TIAM2: variants seen among roughly 807,000 people sequenced by gnomAD.
TIAM2 encodes the protein TIAM Rac1 associated GEF 2, also known as rho guanine nucleotide exchange factor TIAM2.
TIAM2 carries 80 observed loss-of-function variants against 152.9 expected under a neutral mutation model. That is an observed-to-expected ratio of 0.52 (90% confidence interval 0.44 to 0.63). The LOEUF (loss-of-function observed/expected upper bound fraction) is 0.63. Among genes scored for constraint, TIAM2 ranks in the 30% least tolerant of loss-of-function variants. The pLI is 0.00. For missense variants in TIAM2, 1,965 were observed against 2,120.1 expected (o/e 0.93, Z 1.44); for synonymous variants, 804 against 838.0 (o/e 0.96, Z 0.70).
At chr6:155,121,909 T>G (rs996995271) in intron 2 of TIAM2, 1 of 152,394 alleles carries the variant, frequency 6.6e-6, no homozygotes, top group Non-Finnish European at 1.5e-5. Context: ...CCGGAGGGTT[T>G]CCTCCTATTC....
intron 7 of TIAM2, among the ~76,000 whole-genome samples, chr6:155,149,679 T>C (rs1779902927): frequency 6.6e-6 from 1 of 152,036 alleles, no homozygotes; most frequent in African/African-American, 2.4e-5. Flanking sequence ...TCCCGGCGCT[T>C]TGGGAGGCCG....
chr6:155,197,366 T>A (rs1253136176), intron 14 of TIAM2, among the ~76,000 whole-genome samples: 1 of 152,200 alleles, frequency 6.6e-6, no homozygotes, highest in Non-Finnish European at 1.5e-5. Context: ...ATTTGAACAT[T>A]TATTGAATTT....
At position 155,211,196 on chromosome 6, in the gene TIAM2, T is replaced by G; in HGVS notation, c.3065-8T>G. On this transcript the variant is annotated splice_polypyrimidine_tract_variant and splice_region_variant and intron_variant, in intron 14 of 26. Transcript: ENST00000682666. ...AACTCATATATGTTTTTGTCATTTT[T>G]TATGCAGATTTCAGCAACGTCCCTG... 6.2e-7 allele frequency: 1 copy of G among 1,611,932 alleles called. No individual in the cohort carries two copies. The highest frequency in any genetic ancestry group is 8.5e-7 in the Non-Finnish European group (1 of 1,178,394).
At chr6:155,082,301 C>T (rs895787707) in intron 1 of TIAM2, among the ~76,000 whole-genome samples, 5 of 152,074 alleles carry the variant, frequency 3.3e-5, no homozygotes, top group Non-Finnish European at 5.9e-5. Context: ...CATGATCATG[C>T]CACTGCACTC....
At chr6:155,119,584 C>T (rs766893828) in intron 2 of TIAM2, among the ~76,000 whole-genome samples, 2 of 152,212 alleles carry the variant, frequency 1.3e-5, no homozygotes, top group Non-Finnish European at 2.9e-5. Flanking sequence ...AGTGATCTGC[C>T]TGCCTTGGCC....
chr6:155,147,687 A>G (rs896992975), intron 6 of TIAM2, among the ~76,000 whole-genome samples: 1 of 151,964 alleles, frequency 6.6e-6, no homozygotes, highest in African/African-American at 2.4e-5. Context: ...GTTTCACCAT[A>G]TTGGCCAGGC....
At chr6:155,000,717 G>T (rs1778298465) in intron 1 of TIAM2, among the ~76,000 whole-genome samples, 1 of 152,152 alleles carries the variant, frequency 6.6e-6, no homozygotes, top group South Asian at 2.1e-4. Flanking sequence ...AGGCACCTTG[G>T]CTTACGCCTA....
intron 1 of TIAM2, among the ~76,000 whole-genome samples, chr6:155,028,520 A>AAT (rs1260527900): frequency 6.8e-5 from 9 of 132,430 alleles, no homozygotes; most frequent in East Asian, 4.2e-4. Context: ...TACTACATAT[A>AAT]ATATATATAC....
intron 1 of TIAM2, among the ~76,000 whole-genome samples, chr6:155,029,513 C>T (rs111218704): frequency 5.9e-4 from 13 of 22,068 alleles, no homozygotes; most frequent in Admixed American, 3.6e-3. Context: ...ATAATATATA[C>T]TATATATTAT....
At chr6:155,147,005 C>T (rs1252819453) in intron 6 of TIAM2, among the ~76,000 whole-genome samples, 1 of 152,026 alleles carries the variant, frequency 6.6e-6, no homozygotes, top group Non-Finnish European at 1.5e-5. Flanking sequence ...CCTGGGATTA[C>T]AGGCATGAGC....
intron 2 of TIAM2, among the ~76,000 whole-genome samples, chr6:155,104,681 C>T (rs915215218): frequency 5.3e-5 from 8 of 150,684 alleles, no homozygotes; most frequent in Non-Finnish European, 7.4e-5. Flanking sequence ...CGCTTGAACC[C>T]GGGAGGCGGA....
At chr6:155,101,991 C>T (rs554393886) in intron 2 of TIAM2, among the ~76,000 whole-genome samples, 10 of 138,374 alleles carry the variant, frequency 7.2e-5, no homozygotes, top group South Asian at 4.7e-4. Flanking sequence ...CATGAGCAAC[C>T]GTGCCGGCCT....
chr6:155,124,629 C>A (rs369204450), intron 2 of TIAM2, among the ~76,000 whole-genome samples: 4 of 152,232 alleles, frequency 2.6e-5, no homozygotes, highest in East Asian at 1.9e-4. Flanking sequence ...CCACACCCAG[C>A]TGGTTTTGGA....
At chr6:155,140,174 C>T (rs1044116087) in intron 5 of TIAM2, among the ~76,000 whole-genome samples, 9 of 152,130 alleles carry the variant, frequency 5.9e-5, no homozygotes, top group African/African-American at 2.2e-4. Context: ...TTTCTTTGCC[C>T]TGGTCAGAGC....
chr6:155,074,360 T>G (rs998888321), intron 1 of TIAM2, among the ~76,000 whole-genome samples: 11 of 152,152 alleles, frequency 7.2e-5, no homozygotes, highest in African/African-American at 1.7e-4. Context: ...TTGTTTGTTT[T>G]TTTGTTTTTT....
intron 20 of TIAM2, among the ~76,000 whole-genome samples, 186 bp from the exon 21 acceptor site, chr6:155,249,665 T>C (rs1783535644): frequency 6.6e-6 from 1 of 152,200 alleles, no homozygotes; most frequent in African/African-American, 2.4e-5. Context: ...GGAGATAATT[T>C]TGCTGTTCTT....
chr6:155,194,109 AG>A (rs1350614076), intron 14 of TIAM2, among the ~76,000 whole-genome samples: 3 of 152,174 alleles, frequency 2.0e-5, no homozygotes, highest in Non-Finnish European at 4.4e-5. Context: ...CTCTCCAGGG[AG>A]GGTCTCACCT....
At chr6:155,167,327 T>G (rs1306633633) in intron 9 of TIAM2, among the ~76,000 whole-genome samples, 7 of 152,120 alleles carry the variant, frequency 4.6e-5, no homozygotes, top group African/African-American at 1.7e-4. Context: ...GTTCAAGCAA[T>G]TCTCGTGCCT....
At chr6:155,029,456 T>TA (rs1776757674) in intron 1 of TIAM2, among the ~76,000 whole-genome samples, 1 of 11,614 alleles carries the variant, frequency 8.6e-5, no homozygotes, top group South Asian at 3.9e-3. Flanking sequence ...TAGTATATAT[T>TA]ATATATAATA....
Sources: gnomAD v4.1 joint callset for allele counts (sites outside exome capture counted in the v4.1 genomes callset) on GRCh38, gnomAD v4.1.1 for gene constraint, MANE v1.5 for transcripts, NCBI Gene and HGNC (gene_info 2026-07-23, HGNC 2026-07-21) for gene names.